L3MBTL4: variants seen among roughly 807,000 people sequenced by gnomAD.
L3MBTL4 encodes the protein lethal(3)malignant brain tumor-like protein 4.
L3MBTL4 carries 70 observed loss-of-function variants against 84.5 expected under a neutral mutation model. That is an observed-to-expected ratio of 0.83 (90% CI 0.68 to 1.01). L3MBTL4 has a LOEUF of 1.01. L3MBTL4 is among the 50% of genes least tolerant of loss of function. The probability of loss-of-function intolerance (pLI) is 0.00; values close to 1 mark genes in which losing one functional copy is unlikely to be tolerated. For missense variants in L3MBTL4, 715 were observed against 754.8 expected (o/e 0.95, Z 0.62); for synonymous variants, 274 against 259.8 (o/e 1.05, Z -0.52).
intron 1 of L3MBTL4, among the ~76,000 whole-genome samples, chr18:6,380,443 T>G (rs1039556518): frequency 6.6e-6 from 1 of 152,242 alleles, no homozygotes; most frequent in Non-Finnish European, 1.5e-5. Flanking sequence ...TGCTTTCCCT[T>G]GTGGGCATTT....
intron 4 of L3MBTL4, among the ~76,000 whole-genome samples, chr18:6,274,159 G>T (rs2048986351): frequency 1.3e-5 from 2 of 152,194 alleles, no homozygotes; most frequent in Admixed American, 6.5e-5. Context: ...AAAGATTAAG[G>T]TTCTCAAAGT....
chr18:6,149,669 T>C (rs2042807392), intron 13 of L3MBTL4, among the ~76,000 whole-genome samples: 1 of 152,162 alleles, frequency 6.6e-6, no homozygotes, highest in Non-Finnish European at 1.5e-5. Context: ...CCACCAACAG[T>C]GCAAAAATGT....
At chr18:6,017,817 G>A (rs762884346) in intron 16 of L3MBTL4, 2 of 152,158 alleles carry the variant, frequency 1.3e-5, no homozygotes, top group African/African-American at 2.4e-5. Flanking sequence ...AGATGTAGTC[G>A]TTCTGACAAG....
intron 1 of L3MBTL4, among the ~76,000 whole-genome samples, chr18:6,332,473 C>A (rs1050427971): frequency 4.6e-5 from 7 of 152,132 alleles, no homozygotes; most frequent in African/African-American, 1.4e-4. Flanking sequence ...TCAGAAAGGG[C>A]CCATTCAATA....
chr18:6,280,459 A>C (rs1448030949), intron 4 of L3MBTL4, among the ~76,000 whole-genome samples: 1 of 152,160 alleles, frequency 6.6e-6, no homozygotes, highest in Admixed American at 6.5e-5. Flanking sequence ...AAAGCCCTAA[A>C]CTGTGTGCTA....
intron 16 of L3MBTL4, among the ~76,000 whole-genome samples, chr18:5,991,726 T>C (rs1679902870): frequency 1.3e-5 from 2 of 152,164 alleles, no homozygotes; most frequent in Admixed American, 6.5e-5. Context: ...TGTTAATATA[T>C]AAAGTTTAGC....
At chr18:6,099,824 A>T (rs917249221) in intron 14 of L3MBTL4, among the ~76,000 whole-genome samples, 1 of 151,744 alleles carries the variant, frequency 6.6e-6, no homozygotes, top group African/African-American at 2.4e-5. Context: ...GTTTCATAAG[A>T]GTCAAAATAA....
intron 1 of L3MBTL4, among the ~76,000 whole-genome samples, chr18:6,346,268 C>T (rs1450976108): frequency 2.0e-5 from 3 of 151,664 alleles, no homozygotes; most frequent in Non-Finnish European, 4.4e-5. Flanking sequence ...AGTGTCTTCA[C>T]ATTGGTCTTG....
At chr18:6,302,018 A>G (rs1356304520) in intron 3 of L3MBTL4, 61 bp from the exon 4 acceptor site, 2 of 1,312,784 alleles carry the variant, frequency 1.5e-6, no homozygotes, top group African/African-American at 2.9e-5. Flanking sequence ...AACACTGAAA[A>G]CTAATGTTCC....
At chr18:6,252,424 C>CAAAA (rs10683991) in intron 5 of L3MBTL4, among the ~76,000 whole-genome samples, 1,953 of 151,462 alleles carry the variant, frequency 0.013, 54 homozygotes, top group African/African-American at 0.045. Flanking sequence ...CATTTTTTAT[C>CAAAA]AAAAAAAACA....
chr18:6,152,001 G>T (rs1018356621), intron 13 of L3MBTL4, among the ~76,000 whole-genome samples: 1 of 152,062 alleles, frequency 6.6e-6, no homozygotes, highest in African/African-American at 2.4e-5. Context: ...TATGTGCATG[G>T]CTTATTTCAC....
intron 1 of L3MBTL4, among the ~76,000 whole-genome samples, chr18:6,332,991 A>G (rs1308660248): frequency 1.3e-5 from 2 of 152,224 alleles, no homozygotes; most frequent in African/African-American, 4.8e-5. Flanking sequence ...CTCATTAACT[A>G]TACCCTACTT....
At chr18:5,995,685 G>T (rs996905120) in intron 16 of L3MBTL4, among the ~76,000 whole-genome samples, 1 of 152,142 alleles carries the variant, frequency 6.6e-6, no homozygotes, top group African/African-American at 2.4e-5. Context: ...AGACAGATTT[G>T]GGAGTTCTAA....
intron 12 of L3MBTL4, among the ~76,000 whole-genome samples, chr18:6,212,546 C>T (rs556154702): frequency 6.6e-6 from 1 of 152,164 alleles, no homozygotes; most frequent in Non-Finnish European, 1.5e-5. Context: ...TTAATCAAAT[C>T]TTTAATTCAA....
At chr18:6,391,687 A>C (rs946701076) in intron 1 of L3MBTL4, among the ~76,000 whole-genome samples, 2 of 152,032 alleles carry the variant, frequency 1.3e-5, no homozygotes, top group Non-Finnish European at 2.9e-5. Context: ...AAATACCAAC[A>C]ATGACCAAGC....
At chr18:6,061,910 C>T (rs946805571) in intron 16 of L3MBTL4, among the ~76,000 whole-genome samples, 1 of 151,918 alleles carries the variant, frequency 6.6e-6, no homozygotes, top group Non-Finnish European at 1.5e-5. Context: ...CCAATTCTCC[C>T]TCTCATCCCT....
intron 1 of L3MBTL4, among the ~76,000 whole-genome samples, chr18:6,368,417 G>A (rs1170373783): frequency 6.6e-6 from 1 of 152,140 alleles, no homozygotes; most frequent in Non-Finnish European, 1.5e-5. Flanking sequence ...TATCTACTTT[G>A]CTAGGGACCC....
At chr18:6,370,111 G>A (rs1259523228) in intron 1 of L3MBTL4, among the ~76,000 whole-genome samples, 1 of 142,442 alleles carries the variant, frequency 7.0e-6, no homozygotes, top group African/African-American at 2.7e-5. Context: ...TCCAGCCTGT[G>A]TGACAGAGTG....
chr18:6,148,314 G>A (rs1366558311), intron 13 of L3MBTL4, among the ~76,000 whole-genome samples: 2 of 152,276 alleles, frequency 1.3e-5, no homozygotes, highest in South Asian at 4.1e-4. Context: ...ATGTTGGATT[G>A]TTTTATTACT....
Sources: gnomAD v4.1 joint callset for allele counts (sites outside exome capture counted in the v4.1 genomes callset) on GRCh38, gnomAD v4.1.1 for gene constraint, MANE v1.5 for transcripts, NCBI Gene and HGNC (gene_info 2026-07-23, HGNC 2026-07-21) for gene names.